The following MITF variants were observed in gnomAD, a reference collection of about 807,000 sequenced individuals.
The protein encoded by MITF is melanocyte inducing transcription factor, also known as microphthalmia-associated transcription factor.
Under a neutral mutation model 60.5 loss-of-function variants are expected in MITF, and 17 were observed. The ratio of observed to expected loss-of-function variants is 0.28; its 90% CI spans 0.19 to 0.42. The LOEUF is 0.42. Ranked by LOEUF, MITF falls within the 10% of genes least tolerant of loss-of-function variation. The probability of loss-of-function intolerance (pLI) is 1.00; values close to 1 mark genes in which losing one functional copy is unlikely to be tolerated. For synonymous variants in MITF, 260 were observed against 248.5 expected (o/e 1.05, Z -0.43); for missense variants, 622 against 683.5 (o/e 0.91, Z 1.00).
intron 1 of MITF, among the ~76,000 whole-genome samples, chr3:69,855,546 A>T (rs1217381686): frequency 5.3e-5 from 8 of 152,092 alleles, no homozygotes; most frequent in Non-Finnish European, 8.8e-5. Flanking sequence ...CTCTCCCGTA[A>T]CTTTGTGTAA....
At chr3:69,798,940 C>T (rs550828414) in intron 1 of MITF, among the ~76,000 whole-genome samples, 5 of 152,138 alleles carry the variant, frequency 3.3e-5, no homozygotes, top group South Asian at 2.1e-4. Context: ...ACTTAATTTG[C>T]TTGTCCTTTT....
chr3:69,883,436 C>A (rs2064533892), intron 2 of MITF, among the ~76,000 whole-genome samples: 2 of 152,172 alleles, frequency 1.3e-5, no homozygotes, highest in African/African-American at 4.8e-5. Context: ...TTCCATATTT[C>A]ACTAGTGAGG....
chr3:69,907,050 A>G (rs189899473), intron 2 of MITF, among the ~76,000 whole-genome samples: 261 of 152,248 alleles, frequency 1.7e-3, no homozygotes, highest in African/African-American at 6.1e-3. Context: ...GCCTGAAGAA[A>G]GGTTTAACAA....
At chr3:69,847,468 T>C (rs541207527) in intron 1 of MITF, among the ~76,000 whole-genome samples, 1 of 152,298 alleles carries the variant, frequency 6.6e-6, no homozygotes, top group African/African-American at 2.4e-5. Flanking sequence ...AGTTATTATC[T>C]TTACTTACAT....
intron 1 of MITF, among the ~76,000 whole-genome samples, chr3:69,876,914 A>G (rs1269297562): frequency 2.0e-5 from 3 of 152,182 alleles, no homozygotes; most frequent in Admixed American, 2.0e-4. Flanking sequence ...AAATACTATG[A>G]CTTCTTTATA....
At chr3:69,798,002 G>A (rs1415141493) in intron 1 of MITF, among the ~76,000 whole-genome samples, 2 of 152,246 alleles carry the variant, frequency 1.3e-5, no homozygotes, top group African/African-American at 4.8e-5. Context: ...TCAAATTGAA[G>A]AGGAAAATCC....
intron 1 of MITF, among the ~76,000 whole-genome samples, chr3:69,830,029 C>T (rs902314936): frequency 2.0e-5 from 3 of 151,800 alleles, no homozygotes; most frequent in East Asian, 1.9e-4. Flanking sequence ...CAGGAGGGAC[C>T]GTGATGTGAT....
rs2065883995 is a variant in MITF at position 69,938,007 on chromosome 3, C to A, written c.540C>A (p.Ser180Arg). ...TGCCGGGGAGCAGCGCACCCAACAG[C>A]CCCATGGCTATGCTTACGCTTAACT... ...PPVPGSSAPN[S>R]PMAMLTLNSN... The change falls in exon 3 of 10, where the codon AGC becomes AGA. Residue 180 changes from serine to arginine, a missense_variant. By Grantham distance (110) the Ser-to-Arg change is moderately radical. Around this residue, in one of 5 missense-constraint regions of MITF, gnomAD observed 215 missense variants for 224.8 expected, o/e 0.96. Coordinates refer to ENST00000352241, the MANE Select transcript of MITF (RefSeq NM_001354604.2). The A allele has an allele frequency of 6.2e-7, 1 of 1,614,186 alleles. No homozygotes were observed. Among genetic ancestry groups the A allele is most frequent in the Non-Finnish European group, 8.5e-7 (1 of 1,180,006 alleles).
chr3:69,938,342 T>G, intron 3 of MITF: 1 of 1,569,850 alleles, frequency 6.4e-7, no homozygotes, highest in Non-Finnish European at 8.6e-7. Flanking sequence ...TTCTCTTCCA[T>G]GCCTTTCAGT....
intron 1 of MITF, among the ~76,000 whole-genome samples, chr3:69,832,046 C>T (rs188356495): frequency 7.2e-5 from 11 of 152,296 alleles, no homozygotes; most frequent in African/African-American, 2.4e-4. Context: ...CTGGTCTTTC[C>T]AACATTTGGT....
At chr3:69,862,984 C>G (rs1034736817) in intron 1 of MITF, among the ~76,000 whole-genome samples, 3 of 152,086 alleles carry the variant, frequency 2.0e-5, no homozygotes, top group South Asian at 2.1e-4. Flanking sequence ...CTCTATCTCT[C>G]TTTCCCTCTG....
At chr3:69,868,638 C>A (rs907700662) in intron 1 of MITF, among the ~76,000 whole-genome samples, 1 of 152,058 alleles carries the variant, frequency 6.6e-6, no homozygotes, top group African/African-American at 2.4e-5. Context: ...CGGTGGCTCA[C>A]GCCTGTAATC....
chr3:69,747,820 G>C (rs555218030), intron 1 of MITF, among the ~76,000 whole-genome samples: 1 of 152,172 alleles, frequency 6.6e-6, no homozygotes, highest in East Asian at 1.9e-4. Flanking sequence ...TCTCCTGACT[G>C]TTGTTGTCCT....
chr3:69,914,738 C>T (rs1292902629), intron 2 of MITF, among the ~76,000 whole-genome samples: 1 of 152,108 alleles, frequency 6.6e-6, no homozygotes, highest in Non-Finnish European at 1.5e-5. Context: ...TGTTAGTTGC[C>T]TGGTTGTTAA....
At chr3:69,795,534 T>A (rs1240374215) in intron 1 of MITF, among the ~76,000 whole-genome samples, 1 of 152,110 alleles carries the variant, frequency 6.6e-6, no homozygotes, top group Non-Finnish European at 1.5e-5. Flanking sequence ...GAGACCAGCC[T>A]GGACAACATG....
intron 1 of MITF, among the ~76,000 whole-genome samples, chr3:69,868,781 C>T (rs2064165774): frequency 1.3e-5 from 2 of 151,824 alleles, no homozygotes; most frequent in African/African-American, 4.8e-5. Flanking sequence ...GGCCTATAAA[C>T]CCAGCTACTA....
At chr3:69,876,602 A>G (rs2064359954) in intron 1 of MITF, among the ~76,000 whole-genome samples, 1 of 152,194 alleles carries the variant, frequency 6.6e-6, no homozygotes, top group Non-Finnish European at 1.5e-5. Flanking sequence ...AGTGCCCTTA[A>G]TATGTGGATG....
At chr3:69,812,661 T>C (rs2063118814) in intron 1 of MITF, among the ~76,000 whole-genome samples, 1 of 152,200 alleles carries the variant, frequency 6.6e-6, no homozygotes, top group African/African-American at 2.4e-5. Flanking sequence ...AATTTTTTCA[T>C]GAGGTTCTGC....
chr3:69,912,607 A>G (rs1444126910), intron 2 of MITF, among the ~76,000 whole-genome samples: 1 of 152,196 alleles, frequency 6.6e-6, no homozygotes, highest in Non-Finnish European at 1.5e-5. Context: ...GCCAAGCCTC[A>G]TGCAATTTAC....
Sources: allele counts gnomAD v4.1 joint callset (sites outside exome capture counted in the v4.1 genomes callset), GRCh38; gene constraint gnomAD v4.1.1; regional missense constraint gnomAD v4.1.1; transcripts MANE v1.5; gene names NCBI Gene and HGNC (gene_info 2026-07-23, HGNC 2026-07-21).